SEC16B: variants seen among roughly 807,000 people sequenced by gnomAD.
SEC16B encodes protein transport protein Sec16B.
Under a neutral mutation model 141.8 loss-of-function variants are expected in SEC16B, and 115 were observed. The ratio of observed to expected loss-of-function variants is 0.81; its 90% CI spans 0.70 to 0.95. The LOEUF is 0.95. Ranked by LOEUF, SEC16B falls within the 40% of genes least tolerant of loss-of-function variation. The pLI is 0.00. For missense variants in SEC16B, 1,291 were observed against 1,312.3 expected (o/e 0.98, Z 0.25); for synonymous variants, 493 against 492.5 (o/e 1.00, Z -0.01).
intron 24 of SEC16B, among the ~76,000 whole-genome samples, chr1:177,932,090 G>C (rs1391099558): frequency 6.6e-6 from 1 of 152,202 alleles, no homozygotes; most frequent in Non-Finnish European, 1.5e-5. Context: ...TCTTTAAAGA[G>C]GCAATTAACA....
intron 6 of SEC16B, 154 bp from the exon 7 acceptor site, chr1:177,961,093 C>G: frequency 1.4e-6 from 1 of 738,978 alleles, no homozygotes; most frequent in Non-Finnish European, 2.2e-6. Context: ...AGCCCATGTT[C>G]CCTGCTCCAG....
chr1:177,979,403 C>T (rs1183432053), intron 1 of SEC16B, among the ~76,000 whole-genome samples: 3 of 152,148 alleles, frequency 2.0e-5, no homozygotes, highest in Non-Finnish European at 4.4e-5. Flanking sequence ...AGAAATGGCC[C>T]GTGTGTGTAC....
chr1:177,971,959 G>A (rs191149833), upstream of SEC16B, among the ~76,000 whole-genome samples: 294 of 152,282 alleles, frequency 1.9e-3, no homozygotes, highest in African/African-American at 6.8e-3. Context: ...GTGGGTTGCT[G>A]GTTTATTTCA....
intron 12 of SEC16B, among the ~76,000 whole-genome samples, chr1:177,950,315 C>T (rs1226611568): frequency 6.6e-6 from 1 of 152,134 alleles, no homozygotes; most frequent in Non-Finnish European, 1.5e-5. Flanking sequence ...AGGGAGAGGA[C>T]CCCACAGCTC....
chr1:177,958,267 G>C lies in SEC16B; in HGVS notation c.1230C>G (p.Asn410Lys). 1 of 1,611,036 alleles carries C rather than the reference G, an allele frequency of 6.2e-7. No homozygotes were observed. The highest frequency in any genetic ancestry group is 8.5e-7 in the Non-Finnish European group (1 of 1,178,516). Residue 410 changes from asparagine (N) to lysine (K), a missense_variant, in exon 10 of 26, where the codon AAC (asparagine) becomes AAG (lysine). This residue lies in a region of SEC16B where 681 missense variants were observed against 675.5 expected (regional missense o/e 1.01). Transcript: ENST00000308284. ...KRQPPVANLI[N>K]LTDEDWPVLS... ...GCACTGGCCAGTCCTCATCGGTCAG[G>C]TTGATGAGGTTGGCCACAGGGGGCT...
chr1:177,958,120 G>A lies in SEC16B; in HGVS notation c.1365+12C>T. Reference sequence around the variant, plus strand: ...CTTTTTCAAAATAAGTATGGGGGAAGGGCATACTTGCCTTCTTCCTTCCAT... The same window carrying A: ...CTTTTTCAAAATAAGTATGGGGGAAAGGCATACTTGCCTTCTTCCTTCCAT... On this transcript the variant is annotated intron_variant, in intron 10 of 25. Transcript: ENST00000308284. The A allele has an allele frequency of 6.8e-7, 1 of 1,473,230 alleles. No homozygotes were observed. The highest frequency in any genetic ancestry group is 1.5e-5 in the South Asian group (1 of 64,522). The allele number at this position is 1,473,230 out of a possible 1,614,324, so 91.3% of individuals were successfully genotyped here. A position where few individuals can be genotyped will look rare whatever the true frequency, so the allele number is the denominator to read the frequency against.
chr1:177,964,686 A>C lies in SEC16B; in HGVS notation c.533+361T>G, dbSNP rs188143055. Among the ~76,000 whole-genome samples the C allele has an allele frequency of 1.2e-3, 189 of 152,320 alleles. 1 individual carries two copies. The highest frequency in any genetic ancestry group is 4.3e-3 in the African/African-American group (180 of 41,582). On this transcript the variant is annotated intron_variant, in intron 4 of 25. Transcript: ENST00000308284. ...TCAGGGCTCAGGCGTAGGCTGAGGA[A>C]AAGCACCACAGCACCAGGTAAGTTC...
chr1:177,980,673 T>C (rs1390401086), intron 1 of SEC16B, among the ~76,000 whole-genome samples: 2 of 148,058 alleles, frequency 1.4e-5, no homozygotes, highest in Non-Finnish European at 3.0e-5. Context: ...GCAATTCCAA[T>C]AATAAGTGCT....
At chr1:177,937,173 AC>A (rs1650905392) in intron 19 of SEC16B, 40 bp downstream of exon 19, 1 of 1,558,940 alleles carries the variant, frequency 6.4e-7, no homozygotes. Flanking sequence ...CCCCACCCAG[AC>A]CCTACATTCA....
intron 24 of SEC16B, among the ~76,000 whole-genome samples, chr1:177,932,185 G>A (rs941562683): frequency 6.6e-6 from 1 of 152,206 alleles, no homozygotes; most frequent in Non-Finnish European, 1.5e-5. Flanking sequence ...CACGCTCAGA[G>A]GAAAGGCCAT....
chr1:177,933,685 C>T (rs1394328894), intron 20 of SEC16B, 49 bp from the exon 21 acceptor site: 1 of 1,597,930 alleles, frequency 6.3e-7, no homozygotes. Context: ...GACAGGTTAC[C>T]AAACACATTT....
intron 1 of SEC16B, among the ~76,000 whole-genome samples, chr1:177,975,639 A>T (rs1290801203): frequency 6.6e-6 from 1 of 152,222 alleles, no homozygotes; most frequent in African/African-American, 2.4e-5. Flanking sequence ...AAAAATTCTT[A>T]ATCAAAGTGG....
chr1:177,953,481 C>A (rs1010557189), intron 11 of SEC16B, among the ~76,000 whole-genome samples: 3 of 152,188 alleles, frequency 2.0e-5, no homozygotes. Context: ...GGTCCCTCAC[C>A]ACCCCCACCA....
rs71108021 is a variant in SEC16B, at chr1:177,965,400, G to GGTGTGTGTGTGTGTGTGTGTGTGT, written c.413-234_413-233insACACACACACACACACACACACAC. Among the ~76,000 whole-genome samples the GGTGTGTGTGTGTGTGTGTGTGTGT allele has an allele frequency of 5.8e-3, 877 of 151,108 alleles. 12 individuals carry two copies. The highest frequency in any genetic ancestry group is 0.02 in the African/African-American group (817 of 41,030). On this transcript the variant is annotated intron_variant, in intron 3 of 25. Transcript: ENST00000308284. The stretch of plus-strand genomic sequence containing the variant: ...ATACAACCGCACAACGATGGGGATT[G>GGTGTGTGTGTGTGTGTGTGTGTGT]GTGTGTGTGTGTGTGTTCAATGTTG...
Position 177,967,778 on chromosome 1 carries a change from C to G in SEC16B, c.204G>C (p.Gln68His). 2 of 1,614,002 alleles carry G rather than the reference C, an allele frequency of 1.2e-6. No homozygotes were observed. The highest frequency in any genetic ancestry group is 1.7e-6 in the Non-Finnish European group (2 of 1,179,888). ...PQQEPRADHQ[Q>H]QPHYASRPGD... ...CTGGCCTGGATGCATAATGGGGCTG[C>G]TGCTGATGGTCTGCCCTGGGCTCCT... The change falls in exon 2 of 26, where the codon CAG becomes CAC. Residue 68 changes from glutamine (Q) to histidine (H), a missense_variant. Gln to His is a conservative substitution (Grantham distance 24, BLOSUM62 0). This residue lies in a region of SEC16B where 681 missense variants were observed against 675.5 expected (regional missense o/e 1.01). Coordinates refer to ENST00000308284, the MANE Select transcript of SEC16B (RefSeq NM_033127.4).
At chr1:177,933,660 A>G in intron 20 of SEC16B, 24 bp from the exon 21 acceptor site, 7 of 1,612,836 alleles carry the variant, frequency 4.3e-6, no homozygotes, top group Non-Finnish European at 5.9e-6. Context: ...AATAACTCAC[A>G]TTTGCATGGC....
At chr1:177,944,729 G>A in intron 14 of SEC16B, 63 bp from the exon 15 acceptor site, 1 of 1,353,546 alleles carries the variant, frequency 7.4e-7, no homozygotes, top group Non-Finnish European at 1.0e-6. Flanking sequence ...TTAAATCCTA[G>A]TGGCTCTCCA....
intron 15 of SEC16B, among the ~76,000 whole-genome samples, chr1:177,943,943 C>T (rs1651474337): frequency 1.3e-5 from 2 of 152,172 alleles, no homozygotes; most frequent in Admixed American, 6.5e-5. Flanking sequence ...TCAGAGCTCA[C>T]AGAGGATTTA....
chr1:177,951,926 T>C lies in SEC16B; in HGVS notation c.1533A>G (p.Pro511=). The change falls in exon 12 of 26, where the codon CCA becomes CCG. Residue 511 remains proline (P), a synonymous_variant. Coordinates refer to ENST00000308284, the MANE Select transcript of SEC16B (RefSeq NM_033127.4). ...GTCATAGGGGTACCGTGGCTGCCTG[T>C]GGAATCCTCCCCGACATGAGCTGGA... is the stretch of plus-strand genomic sequence containing the variant. The part of the protein sequence containing the change: ...TLFQLMSGRI[P]QAATCCGEKQ... 1 of 1,605,020 alleles carries C rather than the reference T, an allele frequency of 6.2e-7. No individual in the cohort carries two copies. The highest frequency in any genetic ancestry group is 8.5e-7 in the Non-Finnish European group (1 of 1,176,186).
Sources: allele counts gnomAD v4.1 joint callset (sites outside exome capture counted in the v4.1 genomes callset), GRCh38; gene constraint gnomAD v4.1.1; regional missense constraint gnomAD v4.1.1; transcripts MANE v1.5; gene names NCBI Gene and HGNC (gene_info 2026-07-23, HGNC 2026-07-21).